RPRD2: variants seen among roughly 807,000 people sequenced by gnomAD.
RPRD2 encodes the protein regulation of nuclear pre-mRNA domain containing 2.
RPRD2 carries 12 observed loss-of-function variants against 104.4 expected under a neutral mutation model. The observed-to-expected ratio is 0.11, with a 90% CI of 0.07 to 0.19. RPRD2 has a LOEUF of 0.19. Ranked by LOEUF, RPRD2 falls within the 10% of genes least tolerant of loss-of-function variation. The pLI, the probability that RPRD2 is intolerant of heterozygous loss-of-function variation, is 1.00. For missense variants in RPRD2, 1,543 were observed against 1,790.1 expected (o/e 0.86, Z 2.49); for synonymous variants, 714 against 684.9 (o/e 1.04, Z -0.66).
At chr1:150,466,308 G>A (rs1181939837) in intron 10 of RPRD2, among the ~76,000 whole-genome samples, 1 of 151,098 alleles carries the variant, frequency 6.6e-6, no homozygotes, top group African/African-American at 2.4e-5. Context: ...AACCCAGGAG[G>A]TGGAGGTTGC....
At chr1:150,390,003 C>G (rs1560161316) in intron 1 of RPRD2, among the ~76,000 whole-genome samples, 1 of 152,190 alleles carries the variant, frequency 6.6e-6, no homozygotes, top group Non-Finnish European at 1.5e-5. Context: ...CCTTGACTCT[C>G]TGCCAGAGTA....
intron 1 of RPRD2, among the ~76,000 whole-genome samples, chr1:150,385,718 C>T (rs1441013835): frequency 6.6e-6 from 1 of 152,102 alleles, no homozygotes; most frequent in Non-Finnish European, 1.5e-5. Context: ...ATCATCTTGC[C>T]ATGTTTAACT....
intron 1 of RPRD2, among the ~76,000 whole-genome samples, chr1:150,382,219 GCCCT>G (rs1400222355): frequency 2.2e-5 from 3 of 133,362 alleles, no homozygotes; most frequent in Non-Finnish European, 5.3e-5. Context: ...CTTTTTTTGA[GCCCT>G]TTCTTATTAA....
intron 2 of RPRD2, among the ~76,000 whole-genome samples, chr1:150,432,513 ATAG>A (rs1665675303): frequency 6.6e-6 from 1 of 152,020 alleles, no homozygotes; most frequent in East Asian, 1.9e-4. Flanking sequence ...AATTTTGGAA[ATAG>A]TAGTGAGAAT....
intron 7 of RPRD2, among the ~76,000 whole-genome samples, chr1:150,453,748 T>C (rs2873669): frequency 0.3 from 45,313 of 152,102 alleles, 8,204 homozygotes; most frequent in Non-Finnish European, 0.4. Flanking sequence ...CATTTGGACC[T>C]ATCTCTTAGC....
rs74871205 is a variant in RPRD2, at chr1:150,414,270, A to G, written c.206-3326A>G. On this transcript the variant is annotated intron_variant, in intron 1 of 10. Coordinates refer to ENST00000369068, the MANE Select transcript of RPRD2 (RefSeq NM_015203.5). ...TTCCATTTGCTGTGTATTAAGCCCT[A>G]TCTTAATTGTTTTACATACATTGTT... Among the ~76,000 whole-genome samples, 1,284 of 152,310 alleles carry G rather than the reference A, an allele frequency of 8.4e-3. 26 individuals are homozygous for G. Among genetic ancestry groups the G allele is most frequent in the African/African-American group, 0.03 (1,229 of 41,570 alleles).
chr1:150,366,421 G>A (rs1482620208), intron 1 of RPRD2, among the ~76,000 whole-genome samples: 5 of 152,188 alleles, frequency 3.3e-5, no homozygotes, highest in East Asian at 1.9e-4. Flanking sequence ...AGTAGATACC[G>A]GACAGAATTA....
intron 7 of RPRD2, among the ~76,000 whole-genome samples, chr1:150,447,315 A>C (rs1424006354): frequency 1.3e-5 from 2 of 151,140 alleles, no homozygotes; most frequent in Non-Finnish European, 2.9e-5. Flanking sequence ...ATTTCATGTA[A>C]ATTGACTGAA....
intron 1 of RPRD2, among the ~76,000 whole-genome samples, chr1:150,406,433 G>A (rs1663483498): frequency 6.6e-6 from 1 of 152,132 alleles, no homozygotes; most frequent in Non-Finnish European, 1.5e-5. Context: ...TGAGACAAGA[G>A]TCTCTCTCTG....
At chr1:150,370,537 A>C (rs1660221490) in intron 1 of RPRD2, among the ~76,000 whole-genome samples, 1 of 151,282 alleles carries the variant, frequency 6.6e-6, no homozygotes, top group Non-Finnish European at 1.5e-5. Flanking sequence ...AGGAGGACAA[A>C]ATGGAAAATA....
chr1:150,449,751 CA>C (rs1572500353), intron 7 of RPRD2, among the ~76,000 whole-genome samples: 1 of 152,282 alleles, frequency 6.6e-6, no homozygotes, highest in East Asian at 1.9e-4. Flanking sequence ...ACATATGAGT[CA>C]GGGGGTGCAG....
intron 1 of RPRD2, among the ~76,000 whole-genome samples, chr1:150,388,501 A>G (rs11581749): frequency 6.2e-4 from 67 of 107,416 alleles, no homozygotes; most frequent in Non-Finnish European, 5.1e-4. Context: ...ACCCGCGCAC[A>G]CACACACACA....
intron 1 of RPRD2, among the ~76,000 whole-genome samples, chr1:150,406,989 A>G (rs1451565824): frequency 6.6e-6 from 1 of 152,226 alleles, no homozygotes; most frequent in Non-Finnish European, 1.5e-5. Context: ...TGTTGGGATT[A>G]CAGGCGTGAG....
At chr1:150,424,847 T>A (rs973916966) in intron 2 of RPRD2, among the ~76,000 whole-genome samples, 2 of 152,220 alleles carry the variant, frequency 1.3e-5, no homozygotes, top group Non-Finnish European at 2.9e-5. Flanking sequence ...GATTCTTCTG[T>A]TAAAGTTTCT....
At chr1:150,450,931 G>A (rs1553896463) in intron 7 of RPRD2, among the ~76,000 whole-genome samples, 1 of 151,996 alleles carries the variant, frequency 6.6e-6, no homozygotes. Flanking sequence ...ATATAATCAG[G>A]AAATTAATTG....
intron 1 of RPRD2, among the ~76,000 whole-genome samples, chr1:150,367,733 T>A (rs1286886935): frequency 6.6e-6 from 1 of 152,054 alleles, no homozygotes; most frequent in Non-Finnish European, 1.5e-5. Flanking sequence ...CTTTACTTTT[T>A]TTTTTTTGAG....
chr1:150,448,660 TAG>T (rs1666958408), intron 7 of RPRD2, among the ~76,000 whole-genome samples: 1 of 152,246 alleles, frequency 6.6e-6, no homozygotes, highest in East Asian at 1.9e-4. Flanking sequence ...TGTTTTTTCC[TAG>T]AGTTTTGTTT....
chr1:150,447,874 G>A (rs1422988724), intron 7 of RPRD2, among the ~76,000 whole-genome samples: 1 of 151,882 alleles, frequency 6.6e-6, no homozygotes, highest in East Asian at 1.9e-4. Flanking sequence ...TAAATGATTT[G>A]CCCATATTAT....
chr1:150,466,726 T>A (rs1668306824), intron 10 of RPRD2, among the ~76,000 whole-genome samples: 1 of 152,182 alleles, frequency 6.6e-6, no homozygotes. Flanking sequence ...TTACTAATTA[T>A]GTTTTGTGCA....
Sources: allele counts gnomAD v4.1 joint callset (sites outside exome capture counted in the v4.1 genomes callset), GRCh38; gene constraint gnomAD v4.1.1; transcripts MANE v1.5; gene names NCBI Gene and HGNC (gene_info 2026-07-23, HGNC 2026-07-21).